The following EFCAB3 variants were observed in gnomAD, a reference collection of about 807,000 sequenced individuals.
The protein encoded by EFCAB3 is EF-hand calcium-binding domain-containing protein 3.
EFCAB3 carries 36 observed loss-of-function variants against 42.2 expected under a neutral mutation model. That is an observed-to-expected ratio of 0.85 (90% CI 0.65 to 1.13). The LOEUF (loss-of-function observed/expected upper bound fraction) is 1.13, where lower values mean the gene tolerates loss of function less well. Ranked by LOEUF, EFCAB3 falls within the 50% of genes most tolerant of loss-of-function variation. The pLI, the probability that EFCAB3 is intolerant of heterozygous loss-of-function variation, is 0.00. For synonymous variants in EFCAB3, 170 were observed against 172.8 expected (o/e 0.98, Z 0.13); for missense variants, 418 against 505.1 (o/e 0.83, Z 1.65).
intron 6 of EFCAB3, among the ~76,000 whole-genome samples, chr17:62,395,404 A>G (rs1422022677): frequency 1.3e-5 from 2 of 152,176 alleles, no homozygotes; most frequent in East Asian, 3.9e-4. Flanking sequence ...GGCTGACCTC[A>G]GACCACCTAA....
intron 5 of EFCAB3, 117 bp downstream of exon 5, chr17:62,393,761 G>A: frequency 1.2e-6 from 1 of 827,690 alleles, no homozygotes; most frequent in Non-Finnish European, 2.0e-6. Context: ...TCTGGGATGT[G>A]AGTTACTTTT....
At chr17:62,398,498 C>CAAAA (rs11333238) in intron 6 of EFCAB3, among the ~76,000 whole-genome samples, 2 of 126,282 alleles carry the variant, frequency 1.6e-5, no homozygotes, top group African/African-American at 6.0e-5. Context: ...TTTTTATATG[C>CAAAA]AAAAAAAAAA....
chr17:62,378,875 T>A (rs1454326240), upstream of EFCAB3, among the ~76,000 whole-genome samples: 2 of 151,354 alleles, frequency 1.3e-5, no homozygotes, highest in Non-Finnish European at 2.9e-5. Flanking sequence ...TATACCTATA[T>A]AACAAACCTG....
At chr17:62,406,729 G>T (rs2070451522) in intron 7 of EFCAB3, 56 bp downstream of exon 7, 1 of 1,576,790 alleles carries the variant, frequency 6.3e-7, no homozygotes, top group African/African-American at 1.4e-5. Flanking sequence ...GTATATGACT[G>T]GTCAGAAAGA....
At chr17:62,392,765 G>A (rs967800815) in intron 4 of EFCAB3, among the ~76,000 whole-genome samples, 11 of 152,062 alleles carry the variant, frequency 7.2e-5, no homozygotes. Context: ...AGCCTCTTGA[G>A]TAGCTGGGAC....
intron 1 of EFCAB3, 37 bp from the exon 2 acceptor site, chr17:62,382,926 G>A (rs2070215447): frequency 2.5e-6 from 4 of 1,571,762 alleles, no homozygotes; most frequent in Non-Finnish European, 3.5e-6. Flanking sequence ...GAATGAATCT[G>A]TAAACTGATT....
At chr17:62,393,392 G>C (rs11872006) in intron 4 of EFCAB3, among the ~76,000 whole-genome samples, 181 bp from the exon 5 acceptor site, 106,414 of 152,100 alleles carry the variant, frequency 0.7, 43,464 homozygotes, top group Non-Finnish European at 0.92. Flanking sequence ...GTGGAGGACT[G>C]ATGTAATGGT....
intron 1 of EFCAB3, among the ~76,000 whole-genome samples, chr17:62,370,582 G>A (rs1004506283): frequency 1.3e-5 from 2 of 151,966 alleles, no homozygotes; most frequent in Non-Finnish European, 2.9e-5. Flanking sequence ...CTTGAACCCA[G>A]GAGGGGGAGG....
Position 62,416,061 on chromosome 17 carries a change from T to C in EFCAB3, c.1049T>C (p.Met350Thr). 6.2e-7 allele frequency: 1 copy of C among 1,613,996 alleles called. No individual in the cohort carries two copies. The highest frequency in any genetic ancestry group is 1.1e-5 in the South Asian group (1 of 91,068). Residue 350 changes from methionine to threonine, a missense_variant, in exon 10 of 10, where the codon ATG (methionine) becomes ACG (threonine). By Grantham distance (81) the Met-to-Thr change is moderately conservative. Coordinates refer to ENST00000305286, the MANE Select transcript of EFCAB3 (RefSeq NM_173503.4). ...LGIALEHRKEMLNLWQKIRGD... is the reference protein window; with the variant it reads ...LGIALEHRKETLNLWQKIRGD... Reference sequence around the variant, plus strand: ...ATTGCCCTTGAACACCGAAAAGAGATGCTAAACCTCTGGCAGAAGATCCGA... The same window carrying C: ...ATTGCCCTTGAACACCGAAAAGAGACGCTAAACCTCTGGCAGAAGATCCGA...
chr17:62,397,752 C>T (rs1409772133), intron 6 of EFCAB3: 1 of 437,004 alleles, frequency 2.3e-6, no homozygotes, highest in African/African-American at 2.0e-5. Context: ...GGGCCGAGCA[C>T]AGTGGCTCAT....
intron 3 of EFCAB3, among the ~76,000 whole-genome samples, chr17:62,389,712 G>A (rs779820880): frequency 6.6e-6 from 1 of 152,026 alleles, no homozygotes; most frequent in African/African-American, 2.4e-5. Context: ...TTTTCTATTT[G>A]AGCAATAAAA....
At chr17:62,410,692 A>AAG (rs148472240) in intron 8 of EFCAB3, among the ~76,000 whole-genome samples, 39 of 149,498 alleles carry the variant, frequency 2.6e-4, no homozygotes, top group African/African-American at 4.6e-4. Flanking sequence ...TTCAGAAAGC[A>AAG]AGAGAGAGAG....
At chr17:62,404,112 T>G (rs529346464) in intron 6 of EFCAB3, among the ~76,000 whole-genome samples, 124 of 152,334 alleles carry the variant, frequency 8.1e-4, no homozygotes, top group African/African-American at 2.8e-3. Context: ...CCAGGAATGG[T>G]GGTGCAGGCC....
intron 1 of EFCAB3, 60 bp downstream of exon 1, chr17:62,380,673 A>G: frequency 1.2e-6 from 1 of 837,604 alleles, no homozygotes; most frequent in African/African-American, 1.8e-5. Context: ...TCTATTATCT[A>G]TGAGAATTGA....
At chr17:62,370,924 C>CAA (rs879890610) in intron 1 of EFCAB3, among the ~76,000 whole-genome samples, 1,350 of 133,470 alleles carry the variant, frequency 0.01, 16 homozygotes, top group African/African-American at 0.035. Context: ...CCTGTCTCTA[C>CAA]AAAAAAAAAA....
chr17:62,399,216 G>T (rs182578519), intron 6 of EFCAB3, among the ~76,000 whole-genome samples: 61 of 150,992 alleles, frequency 4.0e-4, no homozygotes, highest in African/African-American at 1.4e-3. Context: ...TTGAGACAGG[G>T]TCTTGCAGTG....
At chr17:62,395,349 C>G (rs2070340312) in intron 6 of EFCAB3, among the ~76,000 whole-genome samples, 161 bp downstream of exon 6, 1 of 152,134 alleles carries the variant, frequency 6.6e-6, no homozygotes, top group African/African-American at 2.4e-5. Flanking sequence ...AACATGAGAC[C>G]TTATTCCCTC....
At position 62,416,312 on chromosome 17, in the gene EFCAB3, A is replaced by T; in HGVS notation, c.1300A>T (p.Lys434Ter). ...AAGAAAAAGAAAACGGAAAGGTTTA[A>T]AGGGATTTCAACAATGAAATTTCTA... Reference protein sequence around the residue: ...SGRKRKRKGLKGFQQ With the variant: ...SGRKRKRKGL The change falls in exon 10 of 10, where the codon AAG becomes TAG. Residue 434 changes from lysine to a stop codon, truncating the protein, a stop_gained. Transcript: ENST00000305286. LOFTEE classifies it high-confidence loss of function. 1 of 1,598,574 alleles carries T rather than the reference A, an allele frequency of 6.3e-7. No homozygotes were observed. Among genetic ancestry groups the T allele is most frequent in the South Asian group, 1.1e-5 (1 of 88,866 alleles).
intron 4 of EFCAB3, among the ~76,000 whole-genome samples, chr17:62,392,512 G>T (rs933720933): frequency 6.6e-6 from 1 of 152,052 alleles, no homozygotes; most frequent in African/African-American, 2.4e-5. Context: ...GTTACCAAGA[G>T]AATTCAAGCC....
Sources: gnomAD v4.1 joint callset for allele counts (sites outside exome capture counted in the v4.1 genomes callset) on GRCh38, gnomAD v4.1.1 for gene constraint, MANE v1.5 for transcripts, NCBI Gene and HGNC (gene_info 2026-07-23, HGNC 2026-07-21) for gene names.